Variants in HS3ST3A1 observed in about 807,000 individuals in gnomAD.
HS3ST3A1 encodes heparan sulfate-glucosamine 3-sulfotransferase 3A1, also known as heparan sulfate glucosamine 3-O-sulfotransferase 3A1.
A neutral mutation model predicts 25.7 loss-of-function variants in HS3ST3A1; 19 were observed. The ratio of observed to expected loss-of-function variants is 0.74; its 90% CI spans 0.52 to 1.08. HS3ST3A1 has a LOEUF of 1.08. Ranked by LOEUF, HS3ST3A1 falls within the 50% of genes least tolerant of loss-of-function variation. The probability of loss-of-function intolerance (pLI) is 0.00; values close to 1 mark genes in which losing one functional copy is unlikely to be tolerated. For missense variants in HS3ST3A1, 459 were observed against 594.3 expected (o/e 0.77, Z 2.37); for synonymous variants, 226 against 278.6 (o/e 0.81, Z 1.88).
At chr17:13,514,208 C>T (rs1739575639) in intron 1 of HS3ST3A1, among the ~76,000 whole-genome samples, 1 of 151,768 alleles carries the variant, frequency 6.6e-6, no homozygotes, top group Non-Finnish European at 1.5e-5. Flanking sequence ...AGGTAGCAAA[C>T]ATCCAGTTTA....
At chr17:13,508,698 T>C (rs1905766173) in intron 1 of HS3ST3A1, among the ~76,000 whole-genome samples, 1 of 152,252 alleles carries the variant, frequency 6.6e-6, no homozygotes, top group Non-Finnish European at 1.5e-5. Flanking sequence ...GGTTTCTGTC[T>C]CCTAGGAGCC....
At chr17:13,596,181 C>T (rs1363609710) in intron 1 of HS3ST3A1, among the ~76,000 whole-genome samples, 2 of 152,118 alleles carry the variant, frequency 1.3e-5, no homozygotes, top group Non-Finnish European at 2.9e-5. Flanking sequence ...AATCTCATCC[C>T]TGTAAAGGAA....
At chr17:13,584,387 A>G (rs1908191692) in intron 1 of HS3ST3A1, among the ~76,000 whole-genome samples, 1 of 151,550 alleles carries the variant, frequency 6.6e-6, no homozygotes, top group Non-Finnish European at 1.5e-5. Flanking sequence ...GATGGAAACC[A>G]TAAGCATTCA....
At chr17:13,577,535 AAC>A (rs958176479) in intron 1 of HS3ST3A1, among the ~76,000 whole-genome samples, 137 of 152,322 alleles carry the variant, frequency 9.0e-4, no homozygotes, top group African/African-American at 3.1e-3. Context: ...CATTCATGAC[AAC>A]AGTCATACCC....
At chr17:13,551,768 A>G (rs552570775) in intron 1 of HS3ST3A1, among the ~76,000 whole-genome samples, 24 of 152,298 alleles carry the variant, frequency 1.6e-4, no homozygotes, top group Middle Eastern at 6.8e-3. Flanking sequence ...TTAAGGTCCA[A>G]TGACCTCCTG....
chr17:13,528,041 A>G (rs1482100681), intron 1 of HS3ST3A1, among the ~76,000 whole-genome samples: 4 of 152,156 alleles, frequency 2.6e-5, no homozygotes, highest in Non-Finnish European at 4.4e-5. Context: ...AGATACATGT[A>G]TACTGATCCG....
At chr17:13,546,327 G>A (rs932391130) in intron 1 of HS3ST3A1, among the ~76,000 whole-genome samples, 3 of 151,862 alleles carry the variant, frequency 2.0e-5, no homozygotes, top group African/African-American at 4.8e-5. Flanking sequence ...GTGCAGCGGC[G>A]TGATCTTGGC....
intron 1 of HS3ST3A1, among the ~76,000 whole-genome samples, chr17:13,538,313 G>A (rs1031546582): frequency 1.3e-5 from 2 of 152,152 alleles, no homozygotes; most frequent in African/African-American, 4.8e-5. Flanking sequence ...ATTACTGACT[G>A]ACTCCAAGCC....
At chr17:13,524,358 A>G (rs1405874080) in intron 1 of HS3ST3A1, among the ~76,000 whole-genome samples, 1 of 152,068 alleles carries the variant, frequency 6.6e-6, no homozygotes, top group Non-Finnish European at 1.5e-5. Flanking sequence ...CCAGGGCTCA[A>G]GCGATCCTCC....
intron 1 of HS3ST3A1, among the ~76,000 whole-genome samples, chr17:13,565,356 T>C (rs1229229458): frequency 1.3e-5 from 2 of 151,832 alleles, no homozygotes; most frequent in African/African-American, 4.8e-5. Context: ...ACATAGTGAA[T>C]CCCCATCTCT....
At chr17:13,546,206 G>C (rs932119120) in intron 1 of HS3ST3A1, among the ~76,000 whole-genome samples, 1 of 151,880 alleles carries the variant, frequency 6.6e-6, no homozygotes, top group African/African-American at 2.4e-5. Flanking sequence ...CCACTCCCAG[G>C]AAAAAATGAA....
In HS3ST3A1 at chr17:13,552,833, T is replaced by G. The variant is rs1962010985; in HGVS notation, c.599+47698A>C. Among the ~76,000 whole-genome samples the G allele has an allele frequency of 1.3e-5, 2 of 152,134 alleles. 1 individual carries two copies. Among genetic ancestry groups the G allele is most frequent in the South Asian group, 4.1e-4 (2 of 4,822 alleles). On this transcript the variant is annotated intron_variant, in intron 1 of 1. Transcript: ENST00000284110. Reference sequence around the variant, plus strand: ...ATGTGGTATACTGGAGAAAAGTGATTCCCACTTTTCACATTTTCCATTGCA... The same window carrying G: ...ATGTGGTATACTGGAGAAAAGTGATGCCCACTTTTCACATTTTCCATTGCA...
Position 13,544,024 on chromosome 17 carries a change from G to A in HS3ST3A1, c.600-47206C>T, listed in dbSNP as rs189148197. On this transcript the variant is annotated intron_variant, in intron 1 of 1. Transcript: ENST00000284110. ...AGAAAGTACAGTTTTTGTGAAAATT[G>A]AAAAGAATATATTAGTAAAGCATCA... Among the ~76,000 whole-genome samples, 308 of 152,198 alleles carry A rather than the reference G, an allele frequency of 2.0e-3. 2 individuals carry two copies. The highest frequency in any genetic ancestry group is 6.7e-3 in the African/African-American group (277 of 41,556).
At chr17:13,514,220 C>T (rs535033411) in intron 1 of HS3ST3A1, among the ~76,000 whole-genome samples, 1 of 151,422 alleles carries the variant, frequency 6.6e-6, no homozygotes, top group Non-Finnish European at 1.5e-5. Flanking sequence ...TCCAGTTTAT[C>T]CTTTCTTGTT....
chr17:13,532,903 A>G (rs1733593697), intron 1 of HS3ST3A1, among the ~76,000 whole-genome samples: 1 of 104,234 alleles, frequency 9.6e-6, no homozygotes, highest in Non-Finnish European at 1.9e-5. Context: ...GTATATGTTT[A>G]TATACACACA....
At position 13,496,801 on chromosome 17, in the gene HS3ST3A1, G is replaced by A; in HGVS notation, c.617C>T (p.Thr206Ile). 6.2e-7 allele frequency: 1 copy of A among 1,612,362 alleles called. No individual in the cohort carries two copies. Among genetic ancestry groups the A allele is most frequent in the Non-Finnish European group, 8.5e-7 (1 of 1,179,116 alleles). Residue 206 changes from threonine to isoleucine, a missense_variant, in exon 2 of 2, where the codon ACC becomes ATC. By Grantham distance (89) the Thr-to-Ile change is moderately conservative (BLOSUM62 -1). Around this residue, in one of 3 missense-constraint regions of HS3ST3A1, gnomAD observed 346 missense variants for 303.9 expected, o/e 1.14. Transcript: ENST00000284110. ...CTCCATGGTGATCTGCCCGTCCAGGGTTCTGGGCATCAGGTCCCTGAGAAA... is the reference window on the plus strand; with the variant it reads ...CTCCATGGTGATCTGCCCGTCCAGGATTCTGGGCATCAGGTCCCTGAGAAA... ...LAWYRDLMPRTLDGQITMEKT... is the reference protein window; with the variant it reads ...LAWYRDLMPRILDGQITMEKT...
At chr17:13,501,691 C>G (rs1047193244) in intron 1 of HS3ST3A1, among the ~76,000 whole-genome samples, 3 of 152,132 alleles carry the variant, frequency 2.0e-5, no homozygotes, top group Admixed American at 6.5e-5. Context: ...AATTCCTGGA[C>G]TGTAATGAAG....
At chr17:13,525,599 ATTTTCTCCTG>A (rs1177632573) in intron 1 of HS3ST3A1, among the ~76,000 whole-genome samples, 1 of 152,066 alleles carries the variant, frequency 6.6e-6, no homozygotes, top group East Asian at 1.9e-4. Flanking sequence ...CAAATTAGAG[ATTTTCTCCTG>A]TTTTCTCCCA....
chr17:13,515,271 C>T (rs952920526), intron 1 of HS3ST3A1, among the ~76,000 whole-genome samples: 5 of 152,078 alleles, frequency 3.3e-5, no homozygotes, highest in African/African-American at 4.8e-5. Flanking sequence ...GCGATTCTCC[C>T]GCCTCAGCTT....
Sources: allele counts gnomAD v4.1 joint callset (sites outside exome capture counted in the v4.1 genomes callset), GRCh38; gene constraint gnomAD v4.1.1; regional missense constraint gnomAD v4.1.1; transcripts MANE v1.5; gene names NCBI Gene and HGNC (gene_info 2026-07-23, HGNC 2026-07-21).